Variants in RAB38 observed in about 807,000 individuals in gnomAD.
RAB38 encodes the protein RAB38, member RAS oncogene family.
RAB38 carries 15 observed loss-of-function variants against 18.4 expected under a neutral mutation model. The observed-to-expected ratio is 0.82, with a 90% CI of 0.55 to 1.26. The LOEUF is 1.26. Ranked by LOEUF, RAB38 falls within the 50% of genes most tolerant of loss-of-function variation. The pLI is 0.00. For synonymous variants in RAB38, 101 were observed against 104.4 expected (o/e 0.97, Z 0.20); for missense variants, 294 against 267.4 (o/e 1.10, Z -0.69).
At chr11:87,945,060 G>C in the RAB38 span, among the ~76,000 whole-genome samples, 1 of 152,104 alleles carries the variant, frequency 6.6e-6, no homozygotes, top group Non-Finnish European at 1.5e-5. Flanking sequence ...AAGGTATCTT[G>C]AAAAGACACA....
chr11:88,141,376 T>C (rs2134812783), intron 2 of RAB38, among the ~76,000 whole-genome samples: 1 of 152,250 alleles, frequency 6.6e-6, no homozygotes, highest in Non-Finnish European at 1.5e-5. Flanking sequence ...ATATCCTGCC[T>C]TGCACAGTAC....
chr11:88,045,725 C>T, the RAB38 span, among the ~76,000 whole-genome samples: 1 of 152,202 alleles, frequency 6.6e-6, no homozygotes, highest in South Asian at 2.1e-4. Context: ...GTGACTCTCA[C>T]AGTGGAGGTC....
At chr11:87,976,663 A>T in the RAB38 span, among the ~76,000 whole-genome samples, 1 of 110,546 alleles carries the variant, frequency 9.0e-6, no homozygotes, top group African/African-American at 3.4e-5. Flanking sequence ...AATATATATA[A>T]TTTTATATGA....
At chr11:87,960,814 G>A in the RAB38 span, among the ~76,000 whole-genome samples, 1 of 152,102 alleles carries the variant, frequency 6.6e-6, no homozygotes, top group African/African-American at 2.4e-5. Flanking sequence ...AGCTAGACCA[G>A]CCAAAATCTA....
the RAB38 span, among the ~76,000 whole-genome samples, chr11:87,935,907 G>T: frequency 2.0e-5 from 3 of 151,996 alleles, no homozygotes; most frequent in Non-Finnish European, 4.4e-5. Flanking sequence ...AATAGCTAAT[G>T]ATGTTTTATA....
At chr11:87,875,052 A>C in the RAB38 span, among the ~76,000 whole-genome samples, 1 of 151,608 alleles carries the variant, frequency 6.6e-6, no homozygotes, top group African/African-American at 2.4e-5. Flanking sequence ...GTTGTTGATC[A>C]AAGATTACAA....
chr11:87,975,738 G>A, the RAB38 span, among the ~76,000 whole-genome samples: 33 of 151,742 alleles, frequency 2.2e-4, no homozygotes, highest in African/African-American at 8.0e-4. Flanking sequence ...AAGGAAGTAT[G>A]TTATAATTCT....
the RAB38 span, among the ~76,000 whole-genome samples, chr11:88,056,105 T>C: frequency 6.6e-6 from 1 of 152,128 alleles, no homozygotes; most frequent in Non-Finnish European, 1.5e-5. Flanking sequence ...GGATTATGAC[T>C]CCCTGTAAAA....
chr11:88,076,180 C>T, the RAB38 span, among the ~76,000 whole-genome samples: 1 of 151,846 alleles, frequency 6.6e-6, no homozygotes, highest in South Asian at 2.1e-4. Flanking sequence ...TTAAAGACTA[C>T]TACAAACAAC....
chr11:87,950,849 A>T, the RAB38 span, among the ~76,000 whole-genome samples: 11 of 152,104 alleles, frequency 7.2e-5, no homozygotes, highest in Non-Finnish European at 1.5e-4. Flanking sequence ...TTGGTGAATC[A>T]GACAATTATG....
chr11:87,931,200 G>A, the RAB38 span, among the ~76,000 whole-genome samples: 1 of 152,038 alleles, frequency 6.6e-6, no homozygotes, highest in East Asian at 1.9e-4. Context: ...CCATGAGCAT[G>A]GAATGTTCTT....
At chr11:88,028,117 A>T in the RAB38 span, among the ~76,000 whole-genome samples, 36 of 152,352 alleles carry the variant, frequency 2.4e-4, no homozygotes, top group African/African-American at 8.7e-4. Flanking sequence ...CCACGCAAAC[A>T]GGGTCTGGAG....
chr11:88,117,849 G>A (rs1942577154), intron 2 of RAB38, among the ~76,000 whole-genome samples: 1 of 152,158 alleles, frequency 6.6e-6, no homozygotes, highest in Non-Finnish European at 1.5e-5. Flanking sequence ...TTAGAACAGT[G>A]AAAGGCATAC....
intron 1 of RAB38, among the ~76,000 whole-genome samples, chr11:88,159,199 C>CAATAAATAAATAAATAAATA (rs58379713): frequency 2.8e-4 from 40 of 142,350 alleles, no homozygotes; most frequent in Admixed American, 7.7e-4. Flanking sequence ...ACAATAGCAG[C>CAATAAATAAATAAATAAATA]AATAAATAAA....
chr11:88,115,745 C>T (rs1942542311), intron 2 of RAB38: 1 of 152,184 alleles, frequency 6.6e-6, no homozygotes, highest in African/African-American at 2.4e-5. Flanking sequence ...GATGATAACA[C>T]TTACCTAATA....
the RAB38 span, among the ~76,000 whole-genome samples, chr11:87,871,647 A>C: frequency 6.6e-6 from 1 of 151,616 alleles, no homozygotes; most frequent in Non-Finnish European, 1.5e-5. Context: ...GAACATTATC[A>C]ATATCCTGGA....
intron 2 of RAB38, among the ~76,000 whole-genome samples, chr11:88,141,450 T>C (rs944766706): frequency 6.6e-6 from 1 of 152,170 alleles, no homozygotes; most frequent in African/African-American, 2.4e-5. Context: ...AGTGCTGAGG[T>C]TGAAAAACCC....
chr11:87,873,214 T>A, the RAB38 span, among the ~76,000 whole-genome samples: 5,013 of 151,718 alleles, frequency 0.033, 224 homozygotes, highest in Admixed American at 0.13. Flanking sequence ...GTTGAGCATC[T>A]TTTCATATGC....
At chr11:87,875,122 G>C in the RAB38 span, among the ~76,000 whole-genome samples, 1 of 151,458 alleles carries the variant, frequency 6.6e-6, no homozygotes, top group Non-Finnish European at 1.5e-5. Context: ...GGTGACTCTA[G>C]TCAATAATAA....
Sources: gnomAD v4.1 joint callset for allele counts (sites outside exome capture counted in the v4.1 genomes callset) on GRCh38, gnomAD v4.1.1 for gene constraint, MANE v1.5 for transcripts, NCBI Gene and HGNC (gene_info 2026-07-23, HGNC 2026-07-21) for gene names.